Variants in PHYKPL observed in about 807,000 individuals in gnomAD.
PHYKPL encodes the protein 5-phosphonooxy-L-lysine phospho-lyase.
PHYKPL carries 42 observed loss-of-function variants against 51.3 expected under a neutral mutation model. The ratio of observed to expected loss-of-function variants is 0.82; its 90% CI spans 0.64 to 1.06. The LOEUF (loss-of-function observed/expected upper bound fraction) is 1.06, where lower values mean the gene tolerates loss of function less well. PHYKPL is among the 50% of genes least tolerant of loss of function. PHYKPL has a pLI of 0.00. For synonymous variants in PHYKPL, 264 were observed against 236.0 expected (o/e 1.12, Z -1.09); for missense variants, 655 against 586.6 (o/e 1.12, Z -1.20).
chr5:178,217,815 A>T (rs1228563582), intron 8 of PHYKPL, among the ~76,000 whole-genome samples: 1 of 139,860 alleles, frequency 7.2e-6, no homozygotes, highest in South Asian at 2.4e-4. Flanking sequence ...CCGAGATCAC[A>T]CCACTGCACT....
At chr5:178,219,253 A>G (rs946557169) in intron 8 of PHYKPL, among the ~76,000 whole-genome samples, 11 of 152,222 alleles carry the variant, frequency 7.2e-5, no homozygotes, top group Non-Finnish European at 1.5e-5. Context: ...GAGTGAAGAC[A>G]GGTTATAAAC....
rs1214774904 is a variant in PHYKPL at position 178,230,092 on chromosome 5, G to A, written c.186C>T (p.His62=). The change falls in exon 3 of 13, where the codon CAC becomes CAT. Residue 62 remains histidine (H), a synonymous_variant. Coordinates refer to ENST00000308158, the MANE Select transcript of PHYKPL (RefSeq NM_153373.4). Reference sequence around the variant, plus strand: ...CTGCTTGGACCACGAGAGGGTGGCAGTGCCCAACTGGAAGAGGGCCGCCTC... The same window carrying A: ...CTGCTTGGACCACGAGAGGGTGGCAATGCCCAACTGGAAGAGGGCCGCCTC... The part of the protein sequence containing the change: ...DCISNVAHVG[H]CHPLVVQAAH... The A allele has an allele frequency of 6.2e-7, 1 of 1,613,952 alleles. No individual in the cohort carries two copies. Among genetic ancestry groups the A allele is most frequent in the Admixed American group, 1.7e-5 (1 of 60,036 alleles).
chr5:178,232,466 C>T, intron 1 of PHYKPL, 26 bp downstream of exon 1: 7 of 1,358,846 alleles, frequency 5.2e-6, no homozygotes, highest in Non-Finnish European at 6.6e-6. Flanking sequence ...CCCGCGCCCC[C>T]CGCCGCCCGC....
At chr5:178,210,262 C>G (rs1757810514) in intron 12 of PHYKPL, 1 of 1,614,072 alleles carries the variant, frequency 6.2e-7, no homozygotes, top group Non-Finnish European at 8.5e-7. Flanking sequence ...ACGGCCCCGG[C>G]TACGACTACA....
chr5:178,225,153 A>C, intron 4 of PHYKPL: 2 of 616,462 alleles, frequency 3.2e-6, no homozygotes, highest in Non-Finnish European at 2.8e-6. Context: ...TCTGCTCCCC[A>C]GAGCTGCCTT....
rs552765762 is a variant in PHYKPL, at chr5:178,214,437, G to A, written c.1172+359C>T. 1.8e-4 allele frequency among the ~76,000 whole-genome samples: 27 copies of A among 152,262 alleles called. 2 individuals carry two copies. Among genetic ancestry groups the A allele is most frequent in the Admixed American group, 7.8e-4 (12 of 15,296 alleles). On this transcript the variant is annotated intron_variant, in intron 10 of 12. Coordinates refer to ENST00000308158, the MANE Select transcript of PHYKPL (RefSeq NM_153373.4). ...ACAGCTCCCTGGTATGAATAGAGAAGGTGTTTCCCTTCTCCAGGCCAAGGT... is the reference window on the plus strand; with the variant it reads ...ACAGCTCCCTGGTATGAATAGAGAAAGTGTTTCCCTTCTCCAGGCCAAGGT...
At chr5:178,228,589 C>T (rs1762747715) in intron 3 of PHYKPL, 2 of 702,474 alleles carry the variant, frequency 2.8e-6, no homozygotes, top group South Asian at 1.5e-5. Context: ...TGTTACCCCA[C>T]CTGTAAAATG....
rs1761377529 is a variant in PHYKPL at position 178,222,534 on chromosome 5, C to T, written c.748G>A (p.Val250Ile). 6.2e-7 allele frequency: 1 copy of T among 1,614,258 alleles called. No individual in the cohort carries two copies. The highest frequency in any genetic ancestry group is 8.5e-7 in the Non-Finnish European group (1 of 1,180,050). The change falls in exon 8 of 13, where the codon GTT becomes ATT. Residue 250 changes from valine (V) to isoleucine (I), a missense_variant. Val to Ile is a conservative substitution (Grantham distance 29, BLOSUM62 3). Transcript: ENST00000308158. ...TGCTTGCCTACCCGGCCAAAGCCAACCTGGATCTCATCTGCAACAAAGACC... is the reference window on the plus strand; with the variant it reads ...TGCTTGCCTACCCGGCCAAAGCCAATCTGGATCTCATCTGCAACAAAGACC... ...GGVFVADEIQVGFGRVGKHFW... is the reference protein window; with the variant it reads ...GGVFVADEIQIGFGRVGKHFW...
At chr5:178,232,252 G>T (rs1763623280) in intron 1 of PHYKPL, 4 of 1,233,306 alleles carry the variant, frequency 3.2e-6, no homozygotes, top group African/African-American at 3.2e-5. Flanking sequence ...GAACTGGGCG[G>T]CCTGGAGACG....
rs567723552 is a variant in PHYKPL at position 178,214,654 on chromosome 5, C to T, written c.1172+142G>A. 7.0e-6 allele frequency: 5 copies of T among 709,706 alleles called. No homozygotes were observed. The Admixed American group carries it at 7.8e-5, about 11-fold the overall frequency. The allele number at this position is 709,706 out of a possible 1,614,324, so 44.0% of individuals were successfully genotyped here. On this transcript the variant is annotated intron_variant, in intron 10 of 12. Transcript: ENST00000308158. ...GCTGTCCCCCAACAACTGCCCCCAC[C>T]CGCCAGCCCCAGCCCTCTTTCAATC...
chr5:178,213,160 T>G (rs1051327344), intron 10 of PHYKPL, 57 bp from the exon 11 acceptor site: 5 of 1,598,174 alleles, frequency 3.1e-6, no homozygotes, highest in Non-Finnish European at 4.3e-6. Flanking sequence ...AGCCTGGCCT[T>G]GGCCTCATGT....
intron 7 of PHYKPL, 54 bp downstream of exon 7, chr5:178,222,797 GA>G: frequency 6.3e-7 from 1 of 1,584,180 alleles, no homozygotes. Flanking sequence ...CCAGAGGTTG[GA>G]AAACCTCATT....
Position 178,229,999 on chromosome 5 carries a change from C to A in PHYKPL, c.279G>T (p.Ala93=), listed in dbSNP as rs375283478. The change falls in exon 3 of 13, where the codon GCG becomes GCT. Residue 93 remains alanine, a synonymous_variant. Coordinates refer to ENST00000308158, the MANE Select transcript of PHYKPL (RefSeq NM_153373.4). The part of the protein sequence containing the change: ...RYLHDNIVDY[A]QRLSETLPEQ... ...CCGGCAGGGTCTCTGACAGCCTCTG[C>A]GCATAGTCCACGATGTTGTCATGCA... 4.3e-6 allele frequency: 7 copies of A among 1,614,214 alleles called. 1 individual carries two copies. In the Admixed American group the frequency reaches 5.0e-5, roughly 12 times the overall value.
In PHYKPL at chr5:178,224,352, GTT is replaced by G. The variant is rs1288049472; in HGVS notation, c.618+94_618+95del. The G allele has an allele frequency of 1.3e-5, 17 of 1,333,258 alleles. No individual in the cohort carries two copies. In the South Asian group the frequency reaches 1.3e-4, roughly 10 times the overall value. The allele number at this position is 1,333,258 out of a possible 1,614,324, so 82.6% of individuals were successfully genotyped here. On this transcript the variant is annotated intron_variant, in intron 6 of 12. Transcript: ENST00000308158. ...TTCCTGGAGGGCAGGGCCTCGTTTG[GTT>G]TTCTCTCTGGGTTCCCAGCATCTAG...
Position 178,232,397 on chromosome 5 carries a change from A to G in PHYKPL, c.59+95T>C, listed in dbSNP as rs946811094. ...TGGGTAGCAGCGGCTTCCTAGCCGGAGGCGCGTGCGTAGTGCGTGCGTGCG... is the reference window on the plus strand; with the variant it reads ...TGGGTAGCAGCGGCTTCCTAGCCGGGGGCGCGTGCGTAGTGCGTGCGTGCG... On this transcript the variant is annotated intron_variant, in intron 1 of 12. Transcript: ENST00000308158. 21 of 1,327,478 alleles carry G rather than the reference A, an allele frequency of 1.6e-5. No individual in the cohort carries two copies. The African/African-American group carries it at 2.9e-4, about 19-fold the overall frequency. The allele number at this position is 1,327,478 out of a possible 1,614,324, so 82.2% of individuals were successfully genotyped here. A position where few individuals can be genotyped will look rare whatever the true frequency, so the allele number is the denominator to read the frequency against.
chr5:178,219,755 T>C (rs2113840395), intron 8 of PHYKPL, among the ~76,000 whole-genome samples: 1 of 148,894 alleles, frequency 6.7e-6, no homozygotes, highest in African/African-American at 2.4e-5. Context: ...CGACCACAAA[T>C]GGGCATTTCA....
At position 178,230,020 on chromosome 5, in the gene PHYKPL, A is replaced by C. The variant is rs147824893; in HGVS notation, c.258T>G (p.His86Gln). Residue 86 changes from histidine to glutamine, a missense_variant, in exon 3 of 13, where the codon CAT becomes CAG. Physicochemically the swap from His to Gln is conservative, Grantham distance 24 (BLOSUM62 0). Coordinates refer to ENST00000308158, the MANE Select transcript of PHYKPL (RefSeq NM_153373.4). ...QVLNTNSRYL[H>Q]DNIVDYAQRL... is the part of the protein sequence containing the mutation. ...TCTGCGCATAGTCCACGATGTTGTC[A>C]TGCAGGTACCGGCTGTTGGTGTTGA... 4.3e-6 allele frequency: 7 copies of C among 1,614,106 alleles called. No individual in the cohort carries two copies. In the African/African-American group the frequency reaches 9.3e-5, roughly 22 times the overall value.
At chr5:178,213,130 TGGCCTTCAA>T in intron 10 of PHYKPL, 27 bp from the exon 11 acceptor site, 1 of 1,612,402 alleles carries the variant, frequency 6.2e-7, no homozygotes, top group Non-Finnish European at 8.5e-7. Flanking sequence ...CCCCTTCACA[TGGCCTTCAA>T]GGCCTTCCTC....
At chr5:178,209,231 C>T (rs1757397427) in intron 12 of PHYKPL, 5 of 956,600 alleles carry the variant, frequency 5.2e-6, no homozygotes, top group South Asian at 1.4e-5. Flanking sequence ...AGCAAATGGA[C>T]CTGATCCACC....
Sources: allele counts gnomAD v4.1 joint callset (sites outside exome capture counted in the v4.1 genomes callset), GRCh38; gene constraint gnomAD v4.1.1; transcripts MANE v1.5; gene names NCBI Gene and HGNC (gene_info 2026-07-23, HGNC 2026-07-21).